The following TECRL variants were observed in gnomAD, a reference collection of about 807,000 sequenced individuals.
TECRL encodes trans-2,3-enoyl-CoA reductase-like.
In TECRL, 63 loss-of-function variants were observed where a neutral mutation model predicts 52.8. The observed-to-expected ratio is 1.19, with a 90% CI of 0.97 to 1.47. The LOEUF (loss-of-function observed/expected upper bound fraction) is 1.47. Ranked by LOEUF, TECRL falls within the 40% of genes most tolerant of loss-of-function variation. The pLI is 0.00. For synonymous variants in TECRL, 164 were observed against 141.9 expected (o/e 1.16, Z -1.10); for missense variants, 482 against 429.6 (o/e 1.12, Z -1.08).
chr4:64,374,052 C>CATATATATATATAGTAGATACATATATAT (rs1553919039), intron 2 of TECRL, among the ~76,000 whole-genome samples: 131 of 105,932 alleles, frequency 1.2e-3, no homozygotes, highest in Middle Eastern at 5.9e-3. Flanking sequence ...ATAGTAGATA[C>CATATATATATATAGTAGATACATATATAT]ATATATATAT....
At chr4:64,282,466 G>T (rs558735688) in intron 9 of TECRL, among the ~76,000 whole-genome samples, 1 of 152,082 alleles carries the variant, frequency 6.6e-6, no homozygotes, top group Admixed American at 6.6e-5. Flanking sequence ...GTATTGTGCA[G>T]ATTTTACAAC....
rs1383189617 is a variant in TECRL, at chr4:64,333,973, G to A, written c.287-5417C>T. On this transcript the variant is annotated intron_variant, in intron 2 of 11. Transcript: ENST00000381210. ...CGGGAGGCGGAGCTTGCAGTGAGCC[G>A]AGATTGCGCCACTGCAGTCCGCAGT... is the stretch of plus-strand genomic sequence containing the variant. Among the ~76,000 whole-genome samples the A allele has an allele frequency of 1.5e-4, 16 of 107,716 alleles. No individual in the cohort carries two copies. In the Admixed American group the frequency reaches 1.6e-3, roughly 11 times the overall value. The allele number at this position is 107,716 out of a possible 152,430, so 70.7% of individuals were successfully genotyped here.
intron 9 of TECRL, among the ~76,000 whole-genome samples, chr4:64,286,667 G>A (rs942608090): frequency 4.0e-5 from 6 of 151,834 alleles, no homozygotes; most frequent in Non-Finnish European, 5.9e-5. Context: ...CCTGCACATC[G>A]AAGCAAAAAA....
intron 3 of TECRL, among the ~76,000 whole-genome samples, chr4:64,325,011 A>T (rs1560500403): frequency 6.6e-6 from 1 of 152,142 alleles, no homozygotes; most frequent in African/African-American, 2.4e-5. Context: ...TTATTGCATG[A>T]GTTTTTATAA....
At chr4:64,314,180 AAAATAAAAAT>A (rs1430620577) in intron 5 of TECRL, among the ~76,000 whole-genome samples, 1 of 151,574 alleles carries the variant, frequency 6.6e-6, no homozygotes, top group Non-Finnish European at 1.5e-5. Flanking sequence ...AAATAAAATA[AAAATAAAAAT>A]AAATAAAAAG....
chr4:64,281,914 C>T (rs1398125072), intron 9 of TECRL, among the ~76,000 whole-genome samples: 1 of 151,812 alleles, frequency 6.6e-6, no homozygotes. Flanking sequence ...TGTGTTTTAA[C>T]ATTTGCCCAC....
intron 1 of TECRL, among the ~76,000 whole-genome samples, chr4:64,385,910 G>A (rs1723150475): frequency 6.6e-6 from 1 of 152,116 alleles, no homozygotes; most frequent in African/African-American, 2.4e-5. Context: ...ACACTTGGTT[G>A]GGCTTCTTGC....
rs1722315229 is a variant in TECRL at position 64,375,244 on chromosome 4, G to A, written c.235-21C>T. 3 of 1,282,440 alleles carry A rather than the reference G, an allele frequency of 2.3e-6. No homozygotes were observed. In the South Asian group the frequency reaches 5.6e-5, roughly 24 times the overall value. 79.4% of individuals were successfully genotyped at this position (1,282,440 alleles called of 1,614,324 possible). On this transcript the variant is annotated intron_variant, in intron 1 of 11. Transcript: ENST00000381210. ...GTCACCTGAAAAGGAAAAGAAAATAGAGTTATTTTTAAAAACTGTTAATTT... is the reference window on the plus strand; with the variant it reads ...GTCACCTGAAAAGGAAAAGAAAATAAAGTTATTTTTAAAAACTGTTAATTT...
At chr4:64,382,191 GTATATATATATATATATATATA>G (rs200934355) in intron 1 of TECRL, among the ~76,000 whole-genome samples, 945 of 13,368 alleles carry the variant, frequency 0.071, 24 homozygotes, top group Middle Eastern at 0.2. Flanking sequence ...GGAAATTTCT[GTATATATATATATATATATATA>G]TATATATATA....
chr4:64,385,557 T>C (rs1013337126), intron 1 of TECRL, among the ~76,000 whole-genome samples: 6 of 152,048 alleles, frequency 3.9e-5, no homozygotes, highest in African/African-American at 1.4e-4. Context: ...GCTATGTCCA[T>C]CTGGTGCCAT....
intron 6 of TECRL, among the ~76,000 whole-genome samples, chr4:64,308,594 A>G (rs1287162505): frequency 6.6e-6 from 1 of 152,096 alleles, no homozygotes; most frequent in Non-Finnish European, 1.5e-5. Context: ...TTCTTCAGGT[A>G]CCCTCTAGCT....
intron 2 of TECRL, among the ~76,000 whole-genome samples, chr4:64,350,461 A>G (rs1328355883): frequency 2.6e-5 from 4 of 152,172 alleles, no homozygotes; most frequent in African/African-American, 9.7e-5. Context: ...ATTTGGTCAA[A>G]CATGATTCTG....
chr4:64,327,485 G>A (rs984999438), intron 3 of TECRL, among the ~76,000 whole-genome samples: 1 of 152,046 alleles, frequency 6.6e-6, no homozygotes, highest in African/African-American at 2.4e-5. Context: ...GTATTGAAAG[G>A]CACTTATGTG....
intron 4 of TECRL, among the ~76,000 whole-genome samples, chr4:64,317,573 G>C (rs1717594252): frequency 6.6e-6 from 1 of 152,088 alleles, no homozygotes; most frequent in Non-Finnish European, 1.5e-5. Flanking sequence ...ATAAAGTTTT[G>C]GGAGCATTTA....
intron 10 of TECRL, 104 bp from the exon 11 acceptor site, chr4:64,281,190 TTATAGA>T (rs1165270427): frequency 2.5e-5 from 18 of 724,032 alleles, no homozygotes; most frequent in Admixed American, 5.9e-5. Flanking sequence ...ATTAGAAAAC[TTATAGA>T]TAGGAATACA....
At chr4:64,380,594 G>A (rs1722716268) in intron 1 of TECRL, among the ~76,000 whole-genome samples, 1 of 151,934 alleles carries the variant, frequency 6.6e-6, no homozygotes, top group Admixed American at 6.6e-5. Context: ...ATAAAAGATG[G>A]GGTCTAATCA....
intron 2 of TECRL, among the ~76,000 whole-genome samples, chr4:64,372,566 T>A (rs149570013): frequency 6.6e-6 from 1 of 151,772 alleles, no homozygotes; most frequent in Non-Finnish European, 1.5e-5. Context: ...ATTGTCACTG[T>A]ATAGAAAAGA....
chr4:64,314,803 G>A, intron 4 of TECRL, 40 bp from the exon 5 acceptor site: 1 of 1,426,358 alleles, frequency 7.0e-7, no homozygotes, highest in East Asian at 2.3e-5. Context: ...GATAAAAATA[G>A]ATGTTTTTAA....
rs907675647 is a variant in TECRL at position 64,277,755 on chromosome 4, A to G, written c.*2317T>C. The G allele has an allele frequency of 1.3e-5, 2 of 151,346 alleles. No homozygotes were observed. Among genetic ancestry groups the G allele is most frequent in the Admixed American group, 1.3e-4 (2 of 15,108 alleles). The allele number at this position is 151,346 out of a possible 1,614,324, so 9.4% of individuals were successfully genotyped here. A position where few individuals can be genotyped will look rare whatever the true frequency, so the allele number is the denominator to read the frequency against. ...ATAATCTGAGAATTGAAAATACTCC[A>G]TAGACTAACAAATCTAAAAATCACA... On this transcript the variant is annotated 3_prime_UTR_variant, in exon 12 of 12. Transcript: ENST00000381210.
Sources: allele counts gnomAD v4.1 joint callset (sites outside exome capture counted in the v4.1 genomes callset), GRCh38; gene constraint gnomAD v4.1.1; transcripts MANE v1.5; gene names NCBI Gene and HGNC (gene_info 2026-07-23, HGNC 2026-07-21).